Variants in DDTL observed in about 807,000 individuals in gnomAD.
The protein encoded by DDTL is putative D-dopachrome decarboxylase-like protein.
DDTL carries 1 observed loss-of-function variant against 1.1 expected under a neutral mutation model. That is an observed-to-expected ratio of 0.91 (90% CI 0.32 to 4.31). The LOEUF is 4.31. Among genes scored for constraint, DDTL ranks in the 30% most tolerant of loss-of-function variants. The probability of loss-of-function intolerance (pLI) is 0.17; values close to 1 mark genes in which losing one functional copy is unlikely to be tolerated. For missense variants in DDTL, 54 were observed against 48.9 expected, an observed-to-expected ratio of 1.10 and a Z score of -0.31; for synonymous variants, 21 against 16.6, an observed-to-expected ratio of 1.26 and a Z score of -0.64.
rs1358114726 is a variant in DDTL at position 23,971,353 on chromosome 22, GAAGGT to G, written c.356_360del (p.Gly119GlufsTer6). The G allele has an allele frequency of 1.9e-6, 3 of 1,614,188 alleles. No homozygotes were observed. ...CCCCAGATGCCCAGGAGAGATAATA[GAAGGT>G]AAGAAGTCATGTTTGAATGAGGAAG... is the stretch of plus-strand genomic sequence containing the variant. On this transcript the variant is annotated frameshift_variant, in exon 3 of 3. Coordinates refer to ENST00000215770, the MANE Select transcript of DDTL (RefSeq NM_001084393.2). LOFTEE classifies it low-confidence loss of function (END_TRUNC).
rs902392346 is a variant in DDTL, at chr22:23,972,256, T to C, written c.*850T>C. 7.3e-6 allele frequency: 7 copies of C among 960,758 alleles called. No individual in the cohort carries two copies. The highest frequency in any genetic ancestry group is 8.7e-6 in the Non-Finnish European group (7 of 809,224). 59.5% of individuals were successfully genotyped at this position (960,758 alleles called of 1,614,324 possible). A position where few individuals can be genotyped will look rare whatever the true frequency, so the allele number is the denominator to read the frequency against. On this transcript the variant is annotated 3_prime_UTR_variant, in exon 3 of 3. Coordinates refer to ENST00000215770, the MANE Select transcript of DDTL (RefSeq NM_001084393.2). ...TAAGGATCAAATGGGATCATGAGTG[T>C]AAAGTACCTGTAGAGGACCTAGCAC...
chr22:23,972,115 G>A lies in DDTL; in HGVS notation c.*709G>A. 1.0e-6 allele frequency: 1 copy of A among 960,448 alleles called. No individual in the cohort carries two copies. The allele number at this position is 960,448 out of a possible 1,614,324, so 59.5% of individuals were successfully genotyped here. ...CCAGAACTTGGGACAGCCTGGTTGG[G>A]GCGGGCGGGAGTATGAACAGCCTGT... On this transcript the variant is annotated 3_prime_UTR_variant, in exon 3 of 3. Transcript: ENST00000215770.
intron 2 of DDTL, chr22:23,969,401 C>T: frequency 2.0e-6 from 2 of 985,744 alleles, no homozygotes. Context: ...GCAGATTGCC[C>T]CTCAGCCCAC....
At chr22:23,971,093 CAGG>C (rs888825246) in intron 2 of DDTL, among the ~76,000 whole-genome samples, 190 bp from the exon 3 acceptor site, 7 of 152,302 alleles carry the variant, frequency 4.6e-5, no homozygotes, top group South Asian at 2.1e-4. Context: ...GAGTAGACTT[CAGG>C]AGGAGTACAG....
rs2033927457 is a variant in DDTL, at chr22:23,972,542, C to G, written c.*1136C>G. On this transcript the variant is annotated 3_prime_UTR_variant, in exon 3 of 3. Coordinates refer to ENST00000215770, the MANE Select transcript of DDTL (RefSeq NM_001084393.2). ...AGGGAATAATGACAAGGAATAAAGT[C>G]TATACGTATTTTCAGTATAGATGCA... The G allele has an allele frequency of 1.1e-6, 1 of 927,540 alleles. No individual in the cohort carries two copies. The highest frequency in any genetic ancestry group is 1.3e-6 in the Non-Finnish European group (1 of 762,108). The allele number at this position is 927,540 out of a possible 1,614,324, so 57.5% of individuals were successfully genotyped here. A position where few individuals can be genotyped will look rare whatever the true frequency, so the allele number is the denominator to read the frequency against.
intron 2 of DDTL, chr22:23,969,871 G>A: frequency 1.0e-6 from 1 of 985,774 alleles, no homozygotes; most frequent in African/African-American, 1.7e-5. Context: ...ACGAAATAAA[G>A]AATAAAGTTA....
chr22:23,970,359 TTG>T (rs1357507387), intron 2 of DDTL, among the ~76,000 whole-genome samples: 1 of 152,012 alleles, frequency 6.6e-6, no homozygotes, highest in African/African-American at 2.4e-5. Context: ...TTTTAGTGAA[TTG>T]TGTGTAAATG....
rs1218910164 is a variant in DDTL at position 23,972,043 on chromosome 22, T to C, written c.*637T>C. On this transcript the variant is annotated 3_prime_UTR_variant, in exon 3 of 3. Transcript: ENST00000215770. ...CCGCCACTAATGTCTGGGCCATAAG[T>C]GAACATGCCCCTCTCAGAGGTAACA... The C allele has an allele frequency of 1.7e-4, 73 of 434,812 alleles. No homozygotes were observed. The highest frequency in any genetic ancestry group is 2.6e-4 in the African/African-American group (12 of 46,632). The allele number at this position is 434,812 out of a possible 1,614,324, so 26.9% of individuals were successfully genotyped here.
In DDTL at chr22:23,970,120, C is replaced by G. The variant is rs546332748; in HGVS notation, c.285-1166C>G. On this transcript the variant is annotated intron_variant, in intron 2 of 2. Transcript: ENST00000215770. ...AAGATGGGGTGTGTTCAGGGCTCTC[C>G]AGCAGTCCAGGCATGGGAAGGGGAC... is the stretch of plus-strand genomic sequence containing the variant. 2.0e-5 allele frequency among the ~76,000 whole-genome samples: 3 copies of G among 152,254 alleles called. No individual in the cohort carries two copies. In the East Asian group the frequency reaches 5.8e-4, roughly 29 times the overall value.
Position 23,971,726 on chromosome 22 carries a change from C to T in DDTL, c.*320C>T, listed in dbSNP as rs2033908217. 4.9e-6 allele frequency: 5 copies of T among 1,025,986 alleles called. No individual in the cohort carries two copies. The highest frequency in any genetic ancestry group is 7.1e-6 in the Non-Finnish European group (5 of 699,670). 63.6% of individuals were successfully genotyped at this position (1,025,986 alleles called of 1,614,324 possible). A position where few individuals can be genotyped will look rare whatever the true frequency, so the allele number is the denominator to read the frequency against. ...CACTGTGGGTACTCAGGACAGCCTG[C>T]CTCAGTCCACCAGGCATTTTGCAAA... On this transcript the variant is annotated 3_prime_UTR_variant, in exon 3 of 3. Transcript: ENST00000215770.
chr22:23,971,763 CAAT>C lies in DDTL; in HGVS notation c.*361_*363del, dbSNP rs1038236813. The C allele has an allele frequency of 2.1e-5, 15 of 728,820 alleles. No individual in the cohort carries two copies. The highest frequency in any genetic ancestry group is 5.7e-5 in the Admixed American group (2 of 35,302). 45.1% of individuals were successfully genotyped at this position (728,820 alleles called of 1,614,324 possible). A position where few individuals can be genotyped will look rare whatever the true frequency, so the allele number is the denominator to read the frequency against. The stretch of plus-strand genomic sequence containing the variant: ...AGGCATTTTGCAAACCTGCTCATCC[CAAT>C]AATGATTTTCCCCAACCCCCAGCAG... On this transcript the variant is annotated 3_prime_UTR_variant, in exon 3 of 3. Coordinates refer to ENST00000215770, the MANE Select transcript of DDTL (RefSeq NM_001084393.2).
intron 2 of DDTL, 67 bp from the exon 3 acceptor site, chr22:23,971,219 G>A: frequency 6.5e-7 from 1 of 1,544,298 alleles, no homozygotes; most frequent in South Asian, 1.2e-5. Flanking sequence ...GATGGGTGTG[G>A]AGAGCAGAGC....
chr22:23,970,471 A>T (rs547728349), intron 2 of DDTL, among the ~76,000 whole-genome samples: 122 of 151,806 alleles, frequency 8.0e-4, no homozygotes, highest in African/African-American at 2.8e-3. Flanking sequence ...TGTGTGTGTG[A>T]GTGAACTGTG....
intron 2 of DDTL, among the ~76,000 whole-genome samples, chr22:23,970,390 GTA>G (rs2033879166): frequency 1.3e-5 from 2 of 152,108 alleles, no homozygotes; most frequent in Admixed American, 1.3e-4. Flanking sequence ...GTGAATTTGA[GTA>G]TGTGGGTGGA....
chr22:23,972,029 G>A lies in DDTL; in HGVS notation c.*623G>A, dbSNP rs983218148. The stretch of plus-strand genomic sequence containing the variant: ...CCACCCCACCAACCCCGCCACTAAT[G>A]TCTGGGCCATAAGTGAACATGCCCC... On this transcript the variant is annotated 3_prime_UTR_variant, in exon 3 of 3. Coordinates refer to ENST00000215770, the MANE Select transcript of DDTL (RefSeq NM_001084393.2). The A allele has an allele frequency of 1.7e-5, 6 of 361,464 alleles. No individual in the cohort carries two copies. The highest frequency in any genetic ancestry group is 2.2e-5 in the African/African-American group (1 of 45,330). The allele number at this position is 361,464 out of a possible 1,614,324, so 22.4% of individuals were successfully genotyped here. A position where few individuals can be genotyped will look rare whatever the true frequency, so the allele number is the denominator to read the frequency against.
At chr22:23,969,415 C>T (rs545559310) in intron 2 of DDTL, 1 of 985,630 alleles carries the variant, frequency 1.0e-6, no homozygotes. Flanking sequence ...AGCCCACAGA[C>T]TGACAGAGAT....
chr22:23,970,146 G>A (rs1033283905), intron 2 of DDTL, among the ~76,000 whole-genome samples: 6 of 152,218 alleles, frequency 3.9e-5, no homozygotes, highest in African/African-American at 1.4e-4. Context: ...GGAAGGGGAC[G>A]CTGAGGGCCA....
In DDTL at chr22:23,971,346, G is replaced by C. The variant is rs765068526; in HGVS notation, c.345G>C (p.Glu115Asp). 5.6e-6 allele frequency: 9 copies of C among 1,614,044 alleles called. No individual in the cohort carries two copies. Among genetic ancestry groups the C allele is most frequent in the Non-Finnish European group, 6.8e-6 (8 of 1,179,944 alleles). Reference sequence around the variant, plus strand: ...ATGGTGGCCCCAGATGCCCAGGAGAGATAATAGAAGGTAAGAAGTCATGTT... The same window carrying C: ...ATGGTGGCCCCAGATGCCCAGGAGACATAATAGAAGGTAAGAAGTCATGTT... ...AAHGGPRCPG[E>D]IIEGKKSCLN... The change falls in exon 3 of 3, where the codon GAG (glutamate) becomes GAC (aspartate). Residue 115 changes from glutamate to aspartate, a missense_variant. Coordinates refer to ENST00000215770, the MANE Select transcript of DDTL (RefSeq NM_001084393.2).
rs113739270 is a variant in DDTL, at chr22:23,969,713, G to A, written c.285-1573G>A. ...ATGAGCCTGTGATCCAAACTACATG[G>A]GAGGCTGAGGCAGAAGGTTTGTTTA... On this transcript the variant is annotated intron_variant, in intron 2 of 2. Coordinates refer to ENST00000215770, the MANE Select transcript of DDTL (RefSeq NM_001084393.2). 1.9e-3 allele frequency: 1,837 copies of A among 978,492 alleles called. 19 individuals are homozygous for A. The African/African-American group carries it at 0.028, about 15-fold the overall frequency. The allele number at this position is 978,492 out of a possible 1,614,324, so 60.6% of individuals were successfully genotyped here. A position where few individuals can be genotyped will look rare whatever the true frequency, so the allele number is the denominator to read the frequency against.
Sources: gnomAD v4.1 joint callset for allele counts (sites outside exome capture counted in the v4.1 genomes callset) on GRCh38, gnomAD v4.1.1 for gene constraint, MANE v1.5 for transcripts, NCBI Gene and HGNC (gene_info 2026-07-23, HGNC 2026-07-21) for gene names.